Variants in DOCK1 observed in about 807,000 individuals in gnomAD.
DOCK1 encodes the protein dedicator of cytokinesis 1, also known as dedicator of cytokinesis protein 1.
DOCK1 carries 138 observed loss-of-function variants against 262.7 expected under a neutral mutation model. The ratio of observed to expected loss-of-function variants is 0.53; its 90% confidence interval spans 0.46 to 0.61. The LOEUF is 0.61. Ranked by LOEUF, DOCK1 falls within the 20% of genes least tolerant of loss-of-function variation. DOCK1 has a pLI of 0.00. For synonymous variants in DOCK1, 866 were observed against 867.4 expected (o/e 1.00, Z 0.03); for missense variants, 1,908 against 2,370.7 (o/e 0.80, Z 4.05).
chr10:127,106,194 T>A lies in DOCK1; in HGVS notation c.2446-37T>A, dbSNP rs542372079. 1.9e-6 allele frequency: 3 copies of A among 1,559,500 alleles called. No homozygotes were observed. In the African/African-American group the frequency reaches 4.1e-5, roughly 21 times the overall value. ...AAATTGGTATGAACACTCCCTAACC[T>A]GCATGCTGCTCAGCCTTCTTGTTTC... On this transcript the variant is annotated intron_variant, in intron 23 of 51. Coordinates refer to ENST00000623213, the MANE Select transcript of DOCK1 (RefSeq NM_001290223.2).
At chr10:127,369,237 G>A (rs547825012) in intron 33 of DOCK1, among the ~76,000 whole-genome samples, 37 of 152,308 alleles carry the variant, frequency 2.4e-4, no homozygotes, top group African/African-American at 8.9e-4. Flanking sequence ...AATGAGTTTG[G>A]TAGCAATTCT....
intron 23 of DOCK1, among the ~76,000 whole-genome samples, chr10:127,063,463 G>C (rs907901435): frequency 6.6e-6 from 1 of 151,852 alleles, no homozygotes; most frequent in Non-Finnish European, 1.5e-5. Flanking sequence ...TCTTCACTAC[G>C]ATTTCTTGAT....
intron 23 of DOCK1, among the ~76,000 whole-genome samples, chr10:127,069,994 G>C (rs189295706): frequency 1.3e-5 from 2 of 152,222 alleles, no homozygotes; most frequent in Admixed American, 1.3e-4. Context: ...GAGATGATGT[G>C]TTCTGTGCCT....
At position 127,106,227 on chromosome 10, in the gene DOCK1, G is replaced by T. The variant is rs1352184259; in HGVS notation, c.2446-4G>T. ...GCTCAGCCTTCTTGTTTCTTGATTT[G>T]CAGGGGGCAGCACTGAAATACTTAC... is the stretch of plus-strand genomic sequence containing the variant. On this transcript the variant is annotated splice_polypyrimidine_tract_variant and splice_region_variant and intron_variant, in intron 23 of 51. Coordinates refer to ENST00000623213, the MANE Select transcript of DOCK1 (RefSeq NM_001290223.2). 1.9e-6 allele frequency: 3 copies of T among 1,580,552 alleles called. No homozygotes were observed. The highest frequency in any genetic ancestry group is 2.6e-6 in the Non-Finnish European group (3 of 1,161,322).
At chr10:127,206,938 CCAG>C (rs1306077348) in intron 27 of DOCK1, among the ~76,000 whole-genome samples, 6 of 152,244 alleles carry the variant, frequency 3.9e-5, no homozygotes, top group Middle Eastern at 3.4e-3. Flanking sequence ...TTTACCATAT[CCAG>C]CTCCCTGCTA....
In DOCK1 at chr10:127,391,575, G is replaced by C. The variant is rs77259632; in HGVS notation, c.3927+6666G>C. On this transcript the variant is annotated intron_variant, in intron 38 of 51. Coordinates refer to ENST00000623213, the MANE Select transcript of DOCK1 (RefSeq NM_001290223.2). ...CCCGGGCTTAGCAAGGATAAGTCAC[G>C]TTTGCTCCTCAGGATCTGTCTATGC... Among the ~76,000 whole-genome samples, 1,047 of 150,702 alleles carry C rather than the reference G, an allele frequency of 6.9e-3. 12 individuals carry two copies. Among genetic ancestry groups the C allele is most frequent in the African/African-American group, 0.024 (991 of 40,910 alleles).
chr10:127,323,224 A>G (rs1470163991), intron 29 of DOCK1, among the ~76,000 whole-genome samples: 4 of 152,286 alleles, frequency 2.6e-5, no homozygotes, highest in South Asian at 2.1e-4. Context: ...AGGCGCAAAC[A>G]TCAGACCAGA....
intron 21 of DOCK1, among the ~76,000 whole-genome samples, chr10:127,044,751 G>A (rs887518494): frequency 2.6e-5 from 4 of 152,288 alleles, no homozygotes; most frequent in Non-Finnish European, 4.4e-5. Flanking sequence ...CTTCATTGGC[G>A]CCAGCCTTTC....
chr10:127,383,272 T>A (rs1344738513), intron 37 of DOCK1, among the ~76,000 whole-genome samples: 1 of 152,178 alleles, frequency 6.6e-6, no homozygotes, highest in Non-Finnish European at 1.5e-5. Flanking sequence ...TAGAGAGGAT[T>A]TTTGCTTCCC....
intron 27 of DOCK1, among the ~76,000 whole-genome samples, chr10:127,203,807 C>T (rs1379059880): frequency 6.6e-6 from 1 of 151,898 alleles, no homozygotes; most frequent in African/African-American, 2.4e-5. Flanking sequence ...TGTGTGCACC[C>T]CTCACTTCGG....
intron 25 of DOCK1, among the ~76,000 whole-genome samples, chr10:127,119,766 C>G (rs1197011826): frequency 6.6e-6 from 1 of 152,188 alleles, no homozygotes; most frequent in Non-Finnish European, 1.5e-5. Context: ...GTACATTACT[C>G]TGTTCATAAA....
chr10:127,320,256 G>T (rs1353774693), intron 29 of DOCK1, among the ~76,000 whole-genome samples: 1 of 152,102 alleles, frequency 6.6e-6, no homozygotes, highest in African/African-American at 2.4e-5. Flanking sequence ...AAAAGAAAAG[G>T]AATCTGGCAG....
At chr10:126,906,419 G>C (rs11245220) in intron 1 of DOCK1, among the ~76,000 whole-genome samples, 150,967 of 152,274 alleles carry the variant, frequency 0.99, 74,858 homozygotes, top group East Asian at 1. Context: ...CCACCTCTTC[G>C]TGATCTGCGC....
intron 43 of DOCK1, among the ~76,000 whole-genome samples, chr10:127,413,998 G>A (rs925799976): frequency 3.3e-5 from 5 of 151,834 alleles, no homozygotes; most frequent in Admixed American, 2.6e-4. Context: ...TGCAACCTCC[G>A]CCTCCCGAGT....
chr10:126,948,609 A>T (rs1591404728), intron 1 of DOCK1, among the ~76,000 whole-genome samples: 1 of 151,940 alleles, frequency 6.6e-6, no homozygotes, highest in Non-Finnish European at 1.5e-5. Context: ...TCCAGGCCAC[A>T]GATGGAGAAG....
chr10:127,246,127 G>T (rs528867446), intron 27 of DOCK1, among the ~76,000 whole-genome samples: 17 of 152,312 alleles, frequency 1.1e-4, no homozygotes, highest in Non-Finnish European at 8.8e-5. Flanking sequence ...TCTACCTTGT[G>T]TTGGTCATCA....
chr10:127,054,335 CTGGCGTGTCCATGG>C (rs1370522464), intron 22 of DOCK1, among the ~76,000 whole-genome samples: 1 of 152,194 alleles, frequency 6.6e-6, no homozygotes, highest in Non-Finnish European at 1.5e-5. Context: ...TCTGTTCACT[CTGGCGTGTCCATGG>C]TCAAAACCAC....
intron 1 of DOCK1, among the ~76,000 whole-genome samples, chr10:126,949,482 T>G (rs935520127): frequency 1.3e-5 from 2 of 152,170 alleles, no homozygotes; most frequent in Non-Finnish European, 1.5e-5. Flanking sequence ...GGGTTGGTCC[T>G]ATGATGAGAC....
rs144887094 is a variant in DOCK1, at chr10:127,138,179, C to T, written c.2847+10415C>T. Among the ~76,000 whole-genome samples the T allele has an allele frequency of 3.3e-5, 5 of 152,292 alleles. No homozygotes were observed. The East Asian group carries it at 9.7e-4, about 29-fold the overall frequency. ...ATATACTATGTTTTAGCTCTGTGCT[C>T]CCGTGAAATAGTTCAAGGAGGCTCA... On this transcript the variant is annotated intron_variant, in intron 27 of 51. Coordinates refer to ENST00000623213, the MANE Select transcript of DOCK1 (RefSeq NM_001290223.2).
Sources: allele counts gnomAD v4.1 joint callset (sites outside exome capture counted in the v4.1 genomes callset), GRCh38; gene constraint gnomAD v4.1.1; transcripts MANE v1.5; gene names NCBI Gene and HGNC (gene_info 2026-07-23, HGNC 2026-07-21).